Variants in MEF2D observed in about 807,000 individuals in gnomAD.
MEF2D encodes myocyte-specific enhancer factor 2D.
Under a neutral mutation model 59.3 loss-of-function variants are expected in MEF2D, and 10 were observed. That is an observed-to-expected ratio of 0.17 (90% CI 0.10 to 0.29). MEF2D has a LOEUF of 0.29. Among genes scored for constraint, MEF2D ranks in the 10% least tolerant of loss-of-function variants. The pLI is 1.00. For missense variants in MEF2D, 508 were observed against 699.4 expected, an observed-to-expected ratio of 0.73 and a Z score of 3.09; for synonymous variants, 305 against 295.0, an observed-to-expected ratio of 1.03 and a Z score of -0.35.
intron 1 of MEF2D, among the ~76,000 whole-genome samples, chr1:156,489,020 T>A (rs1672564586): frequency 6.6e-6 from 1 of 152,146 alleles, no homozygotes; most frequent in African/African-American, 2.4e-5. Flanking sequence ...CTTCCAGAGC[T>A]CCCATACCAG....
intron 1 of MEF2D, among the ~76,000 whole-genome samples, chr1:156,488,929 G>T (rs1203890314): frequency 6.6e-6 from 1 of 152,020 alleles, no homozygotes; most frequent in East Asian, 1.9e-4. Context: ...GTACCTACCT[G>T]TCCTTCTCCC....
chr1:156,472,734 T>TG (rs1412059216), intron 9 of MEF2D, among the ~76,000 whole-genome samples: 1 of 146,186 alleles, frequency 6.8e-6, no homozygotes, highest in Non-Finnish European at 1.5e-5. Context: ...TTTTTTGAGA[T>TG]GGAGTCTCAC....
chr1:156,480,684 C>T (rs564996129), intron 4 of MEF2D, 150 bp downstream of exon 4: 30 of 1,583,404 alleles, frequency 1.9e-5, no homozygotes, highest in Non-Finnish European at 2.5e-5. Flanking sequence ...AACTCCTCGT[C>T]TATCTTTTTA....
At chr1:156,478,155 A>G (rs1169082450) in intron 6 of MEF2D, among the ~76,000 whole-genome samples, 1 of 152,194 alleles carries the variant, frequency 6.6e-6, no homozygotes, top group African/African-American at 2.4e-5. Context: ...GAGGTCTACA[A>G]GCATTTCTCT....
At chr1:156,489,453 A>T (rs1159566742) in intron 1 of MEF2D, among the ~76,000 whole-genome samples, 1 of 152,176 alleles carries the variant, frequency 6.6e-6, no homozygotes, top group Non-Finnish European at 1.5e-5. Flanking sequence ...ACAGAGAAAA[A>T]GAGGCAGCGA....
intron 1 of MEF2D, chr1:156,484,294 T>G (rs1282536693): frequency 1.3e-5 from 2 of 152,262 alleles, no homozygotes; most frequent in Admixed American, 6.5e-5. Flanking sequence ...TGGAAATTTT[T>G]GGGCCAGATA....
intron 4 of MEF2D, chr1:156,480,618 G>C (rs1671936659): frequency 6.5e-7 from 1 of 1,535,248 alleles, no homozygotes; most frequent in Non-Finnish European, 8.8e-7. Context: ...ACCACAGGGA[G>C]GCTCTGCTCC....
At chr1:156,496,882 C>T (rs570530887) in intron 1 of MEF2D, among the ~76,000 whole-genome samples, 2 of 152,178 alleles carry the variant, frequency 1.3e-5, no homozygotes, top group African/African-American at 2.4e-5. Flanking sequence ...CCAGGACAAA[C>T]GCCTCAGAAT....
At chr1:156,499,219 G>A (rs998017369) in intron 1 of MEF2D, among the ~76,000 whole-genome samples, 1 of 152,120 alleles carries the variant, frequency 6.6e-6, no homozygotes, top group Non-Finnish European at 1.5e-5. Flanking sequence ...GAATTGCTGC[G>A]GAGACCCACT....
chr1:156,483,317 C>T lies in MEF2D; in HGVS notation c.-25G>A, dbSNP rs750845634. Reference sequence around the variant, plus strand: ...TCTTCTCCGGGGGTCCTCAGTGCTACGGAGGGGAGGGGCTCGCTGGGTGGT... The same window carrying T: ...TCTTCTCCGGGGGTCCTCAGTGCTATGGAGGGGAGGGGCTCGCTGGGTGGT... On this transcript the variant is annotated 5_prime_UTR_variant, in exon 2 of 12. Transcript: ENST00000348159. The T allele has an allele frequency of 6.8e-6, 11 of 1,613,588 alleles. No individual in the cohort carries two copies. The highest frequency in any genetic ancestry group is 4.5e-5 in the East Asian group (2 of 44,882).
chr1:156,475,706 T>A lies in MEF2D; in HGVS notation c.877-469A>T, dbSNP rs1280437562. ...CACGTGTGTGGGGCTGTCAGCTCCA[T>A]CTGCCGCTGAGTCACTTGTTTATTC... On this transcript the variant is annotated intron_variant, in intron 8 of 11. Transcript: ENST00000348159. Among the ~76,000 whole-genome samples, 4 of 152,248 alleles carry A rather than the reference T, an allele frequency of 2.6e-5. No individual in the cohort carries two copies. The East Asian group carries it at 7.7e-4, about 29-fold the overall frequency.
intron 6 of MEF2D, among the ~76,000 whole-genome samples, 185 bp downstream of exon 6, chr1:156,479,105 T>C (rs2102089149): frequency 6.6e-6 from 1 of 152,338 alleles, no homozygotes; most frequent in Non-Finnish European, 1.5e-5. Context: ...GCTGATCATC[T>C]ACACCAATCA....
chr1:156,494,004 G>C (rs888183936), intron 1 of MEF2D, among the ~76,000 whole-genome samples: 2 of 152,172 alleles, frequency 1.3e-5, no homozygotes, highest in South Asian at 4.1e-4. Flanking sequence ...GCATAGAGGA[G>C]GCAGTGGTGG....
Position 156,465,593 on chromosome 1 carries a change from C to T in MEF2D, c.*2052G>A, listed in dbSNP as rs1670787393. On this transcript the variant is annotated 3_prime_UTR_variant, in exon 12 of 12. Coordinates refer to ENST00000348159, the MANE Select transcript of MEF2D (RefSeq NM_005920.4). ...CTCCAGTCACACAGATTTGCACACA[C>T]ACCCAGCCAGGGTCAGAGACACACA... 6.6e-6 allele frequency: 1 copy of T among 152,574 alleles called. No homozygotes were observed. 9.5% of individuals were successfully genotyped at this position (152,574 alleles called of 1,614,324 possible).
intron 1 of MEF2D, among the ~76,000 whole-genome samples, chr1:156,486,704 A>G (rs1041821507): frequency 8.5e-5 from 13 of 152,216 alleles, no homozygotes; most frequent in African/African-American, 2.9e-4. Context: ...GTGAATAACT[A>G]TGATTCTGTG....
intron 3 of MEF2D, among the ~76,000 whole-genome samples, chr1:156,481,737 C>T (rs570606927): frequency 3.3e-5 from 5 of 152,336 alleles, no homozygotes; most frequent in East Asian, 1.9e-4. Context: ...TGTGGCTTCC[C>T]GGGCACCCTC....
At position 156,483,298 on chromosome 1, in the gene MEF2D, C is replaced by T. The variant is rs752692047; in HGVS notation, c.-6G>A. 1 of 1,614,136 alleles carries T rather than the reference C, an allele frequency of 6.2e-7. No homozygotes were observed. Among genetic ancestry groups the T allele is most frequent in the East Asian group, 2.2e-5 (1 of 44,876 alleles). On this transcript the variant is annotated 5_prime_UTR_variant, in exon 2 of 12. Coordinates refer to ENST00000348159, the MANE Select transcript of MEF2D (RefSeq NM_005920.4). Reference sequence around the variant, plus strand: ...TGAATCTTTTTCCTCCCCATCTTCTCCGGGGGTCCTCAGTGCTACGGAGGG... The same window carrying T: ...TGAATCTTTTTCCTCCCCATCTTCTTCGGGGGTCCTCAGTGCTACGGAGGG...
chr1:156,482,685 G>A (rs377292917), intron 2 of MEF2D, 45 bp from the exon 3 acceptor site: 1 of 1,580,154 alleles, frequency 6.3e-7, no homozygotes, highest in African/African-American at 1.3e-5. Flanking sequence ...CTCAGTTAAG[G>A]CCTGATTGGG....
intron 6 of MEF2D, 137 bp downstream of exon 6, chr1:156,479,153 C>G: frequency 1.6e-6 from 1 of 637,480 alleles, no homozygotes; most frequent in Non-Finnish European, 2.5e-6. Context: ...TTAAAAATCT[C>G]TGACTGACTC....
Sources: gnomAD v4.1 joint callset for allele counts (sites outside exome capture counted in the v4.1 genomes callset) on GRCh38, gnomAD v4.1.1 for gene constraint, MANE v1.5 for transcripts, NCBI Gene and HGNC (gene_info 2026-07-23, HGNC 2026-07-21) for gene names.